The following IST1 variants were observed in gnomAD, a reference collection of about 807,000 sequenced individuals.
The protein encoded by IST1 is IST1 homolog.
Under a neutral mutation model 37.0 loss-of-function variants are expected in IST1, and 23 were observed. The ratio of observed to expected loss-of-function variants is 0.62; its 90% confidence interval spans 0.45 to 0.88. IST1 has a LOEUF of 0.88. Ranked by LOEUF, IST1 falls within the 40% of genes least tolerant of loss-of-function variation. IST1 has a pLI of 0.00. For missense variants in IST1, 488 were observed against 445.4 expected (o/e 1.10, Z -0.86); for synonymous variants, 180 against 161.7 (o/e 1.11, Z -0.86).
chr16:71,922,881 G>T, intron 7 of IST1: 1 of 606,032 alleles, frequency 1.7e-6, no homozygotes, highest in Non-Finnish European at 2.9e-6. Context: ...AAAATCTATA[G>T]AGTTGGTGCT....
At chr16:71,926,192 G>C (rs1223100226) in intron 9 of IST1, among the ~76,000 whole-genome samples, 2 of 151,560 alleles carry the variant, frequency 1.3e-5, no homozygotes, top group Non-Finnish European at 2.9e-5. Context: ...TGAGGCAGAA[G>C]AATCTCTTGA....
At chr16:71,910,565 C>A (rs112056754) in intron 1 of IST1, among the ~76,000 whole-genome samples, 1 of 149,408 alleles carries the variant, frequency 6.7e-6, no homozygotes, top group African/African-American at 2.5e-5. Context: ...GAGATTGTGC[C>A]GCTGCACTCC....
At chr16:71,910,637 G>A (rs1011602989) in intron 1 of IST1, among the ~76,000 whole-genome samples, 3 of 151,506 alleles carry the variant, frequency 2.0e-5, no homozygotes, top group African/African-American at 7.3e-5. Flanking sequence ...AGAAAAAAAG[G>A]TACTATGTAT....
chr16:71,921,817 C>T (rs1303440096), intron 6 of IST1: 1 of 215,428 alleles, frequency 4.6e-6, no homozygotes, highest in African/African-American at 2.3e-5. Context: ...GCACAGAAAG[C>T]TGAGGATACA....
At chr16:71,920,614 G>T in intron 4 of IST1, 125 bp from the exon 5 acceptor site, 1 of 650,806 alleles carries the variant, frequency 1.5e-6, no homozygotes. Context: ...TACCCCTTAA[G>T]GTTTTGCAGA....
At chr16:71,910,045 T>C (rs941940104) in intron 1 of IST1, among the ~76,000 whole-genome samples, 2 of 152,212 alleles carry the variant, frequency 1.3e-5, no homozygotes, top group African/African-American at 2.4e-5. Flanking sequence ...CTTGGTTATA[T>C]ATTAAAAGGC....
chr16:71,897,910 C>T (rs371875782), intron 1 of IST1, among the ~76,000 whole-genome samples: 4 of 152,154 alleles, frequency 2.6e-5, no homozygotes, highest in African/African-American at 9.7e-5. Flanking sequence ...GATCGTGCCA[C>T]TGCACTCCAG....
chr16:71,894,611 G>A (rs529989392), upstream of IST1: 38 of 474,770 alleles, frequency 8.0e-5, no homozygotes, highest in African/African-American at 6.9e-4. Flanking sequence ...CTGCAGCAGC[G>A]ACCTTCTGGG....
At chr16:71,922,926 C>T (rs1647925142) in intron 7 of IST1, 1 of 566,326 alleles carries the variant, frequency 1.8e-6, no homozygotes, top group Non-Finnish European at 3.1e-6. Flanking sequence ...TACTGAATAT[C>T]TTTGGGATCT....
rs371294495 is a variant in IST1, at chr16:71,929,620, C to A, written c.*1807C>A. The A allele has an allele frequency of 7.1e-5, 110 of 1,551,842 alleles. 1 individual carries two copies. In the African/African-American group the frequency reaches 1.2e-3, roughly 16 times the overall value. On this transcript the variant is annotated 3_prime_UTR_variant, in exon 10 of 10. Coordinates refer to ENST00000378799, the MANE Select transcript of IST1 (RefSeq NM_001270975.2). The stretch of plus-strand genomic sequence containing the variant: ...CTCAGATGAGGTTTTTTGGGGCCAA[C>A]TGATTCCTAACAAATTTGAGAGCTT...
At chr16:71,913,208 G>GT (rs771527811) in intron 1 of IST1, among the ~76,000 whole-genome samples, 1 of 151,440 alleles carries the variant, frequency 6.6e-6, no homozygotes, top group Non-Finnish European at 1.5e-5. Flanking sequence ...TGGTTGTACC[G>GT]TTTTGCAATC....
At chr16:71,921,136 A>G (rs1254667748) in intron 5 of IST1, 1 of 600,144 alleles carries the variant, frequency 1.7e-6, no homozygotes, top group Non-Finnish European at 3.0e-6. Context: ...TTTTGCCAGC[A>G]TCTGGGTCAT....
chr16:71,923,262 C>G (rs749183222), intron 7 of IST1, 26 bp from the exon 8 acceptor site: 2 of 1,446,492 alleles, frequency 1.4e-6, no homozygotes, highest in South Asian at 1.2e-5. Flanking sequence ...GGCAGTGTCT[C>G]TGATGTTGCC....
intron 1 of IST1, among the ~76,000 whole-genome samples, chr16:71,905,236 A>G (rs911277301): frequency 2.0e-5 from 3 of 151,676 alleles, no homozygotes; most frequent in East Asian, 1.9e-4. Context: ...GGGTTTTACT[A>G]TGTTGGCCAG....
intron 1 of IST1, among the ~76,000 whole-genome samples, chr16:71,899,552 C>G (rs1356845892): frequency 3.9e-5 from 6 of 152,016 alleles, no homozygotes; most frequent in Admixed American, 3.3e-4. Context: ...AAAATTTGTT[C>G]AAATTACTTC....
At chr16:71,922,408 C>G in intron 6 of IST1, 66 bp from the exon 7 acceptor site, 2 of 1,363,096 alleles carry the variant, frequency 1.5e-6, no homozygotes, top group East Asian at 2.3e-5. Flanking sequence ...CCATCTCAGA[C>G]TCCGCTTTCT....
At chr16:71,895,089 C>T, upstream of IST1, 2 of 392,738 alleles carry the variant, frequency 5.1e-6, no homozygotes, top group Non-Finnish European at 4.7e-6. Flanking sequence ...ACCCCCTCGG[C>T]CGCTCCACCC....
chr16:71,924,798 C>G lies in IST1; in HGVS notation c.882C>G (p.Ile294Met), dbSNP rs776298719. 9.9e-6 allele frequency: 16 copies of G among 1,609,470 alleles called. No individual in the cohort carries two copies. In the East Asian group the frequency reaches 1.3e-4, roughly 13 times the overall value. ...ATGACATTAATGCTGATAAGAATAT[C>G]TCTTCTGCACAGATTGTTGGTGAGT... ...SVDDINADKN[I>M]SSAQIVGPGP... Residue 294 changes from isoleucine to methionine, a missense_variant, in exon 9 of 10, where the codon ATC (isoleucine) becomes ATG (methionine). Coordinates refer to ENST00000378799, the MANE Select transcript of IST1 (RefSeq NM_001270975.2).
intron 4 of IST1, among the ~76,000 whole-genome samples, chr16:71,919,798 G>C (rs1239535369): frequency 6.6e-6 from 1 of 152,132 alleles, no homozygotes; most frequent in Non-Finnish European, 1.5e-5. Flanking sequence ...ATAGCATGGT[G>C]CACCTTCCCT....
Sources: gnomAD v4.1 joint callset for allele counts (sites outside exome capture counted in the v4.1 genomes callset) on GRCh38, gnomAD v4.1.1 for gene constraint, MANE v1.5 for transcripts, NCBI Gene and HGNC (gene_info 2026-07-23, HGNC 2026-07-21) for gene names.